SAMD4A: variants seen among roughly 807,000 people sequenced by gnomAD.
The protein encoded by SAMD4A is sterile alpha motif domain containing 4A.
A neutral mutation model predicts 81.3 loss-of-function variants in SAMD4A; 33 were observed. That is an observed-to-expected ratio of 0.41 (90% CI 0.31 to 0.54). The LOEUF (loss-of-function observed/expected upper bound fraction) is 0.54, where lower values mean the gene tolerates loss of function less well. Among genes scored for constraint, SAMD4A ranks in the 20% least tolerant of loss-of-function variants. The pLI, the probability that SAMD4A is intolerant of heterozygous loss-of-function variation, is 0.37. For synonymous variants in SAMD4A, 389 were observed against 382.1 expected, an observed-to-expected ratio of 1.02 and a Z score of -0.21; for missense variants, 854 against 951.1, an observed-to-expected ratio of 0.90 and a Z score of 1.34.
intron 2 of SAMD4A, among the ~76,000 whole-genome samples, chr14:54,573,139 C>T (rs2033181993): frequency 1.3e-5 from 2 of 152,160 alleles, no homozygotes; most frequent in Non-Finnish European, 2.9e-5. Context: ...TTGTAATTTT[C>T]TTTGGGTCAG....
chr14:54,745,069 C>T (rs2037933645), intron 4 of SAMD4A, among the ~76,000 whole-genome samples: 1 of 152,210 alleles, frequency 6.6e-6, no homozygotes, highest in Non-Finnish European at 1.5e-5. Context: ...TTTCTTTCTC[C>T]CCTGCCACGC....
chr14:54,595,781 T>C (rs747423212), intron 2 of SAMD4A, among the ~76,000 whole-genome samples: 1 of 152,130 alleles, frequency 6.6e-6, no homozygotes. Flanking sequence ...TTTAGGAAAG[T>C]GTAAGAAAAA....
intron 6 of SAMD4A, among the ~76,000 whole-genome samples, chr14:54,754,372 G>A (rs537875176): frequency 2.0e-5 from 3 of 152,320 alleles, no homozygotes; most frequent in South Asian, 2.1e-4. Context: ...TGAGTTTATC[G>A]AGTCTGACTT....
intron 12 of SAMD4A, among the ~76,000 whole-genome samples, chr14:54,785,817 C>A (rs2039126343): frequency 6.6e-6 from 1 of 152,226 alleles, no homozygotes; most frequent in Non-Finnish European, 1.5e-5. Context: ...ACCCACCTGA[C>A]CTTAGCATCA....
intron 4 of SAMD4A, among the ~76,000 whole-genome samples, chr14:54,745,865 T>G (rs2037956102): frequency 6.6e-6 from 1 of 152,242 alleles, no homozygotes; most frequent in South Asian, 2.1e-4. Context: ...ACAGTTCTGC[T>G]TCTCCCTGTT....
At chr14:54,649,809 C>T (rs1244837530) in intron 2 of SAMD4A, among the ~76,000 whole-genome samples, 2 of 152,066 alleles carry the variant, frequency 1.3e-5, no homozygotes, top group African/African-American at 2.4e-5. Context: ...TTCTCATTTG[C>T]CTGTAAGTAT....
intron 2 of SAMD4A, among the ~76,000 whole-genome samples, chr14:54,660,185 C>T (rs554742956): frequency 1.5e-3 from 227 of 152,154 alleles, no homozygotes; most frequent in Non-Finnish European, 2.1e-3. Context: ...CTTCTTTCTA[C>T]GGTGCTGTGT....
intron 2 of SAMD4A, among the ~76,000 whole-genome samples, chr14:54,599,760 G>A (rs2034006752): frequency 6.6e-6 from 1 of 152,234 alleles, no homozygotes; most frequent in South Asian, 2.1e-4. Flanking sequence ...CGGATAAGCT[G>A]ATATCATTGG....
intron 2 of SAMD4A, among the ~76,000 whole-genome samples, chr14:54,634,719 ATCTGTCTGTCTGTCTGTCTG>A (rs3049869): frequency 1.8e-4 from 25 of 142,522 alleles, no homozygotes; most frequent in African/African-American, 6.3e-4. Flanking sequence ...CTATCTATCT[ATCTGTCTGTCTGTCTGTCTG>A]TCTGTCTGTC....
At chr14:54,676,759 A>G (rs199745364) in intron 2 of SAMD4A, among the ~76,000 whole-genome samples, 8 of 152,346 alleles carry the variant, frequency 5.3e-5, no homozygotes, top group African/African-American at 1.7e-4. Context: ...TTCTTTATTT[A>G]GTAGGTGGTC....
intron 2 of SAMD4A, among the ~76,000 whole-genome samples, chr14:54,664,572 C>T (rs2035715821): frequency 1.3e-5 from 2 of 152,058 alleles, no homozygotes; most frequent in Non-Finnish European, 2.9e-5. Flanking sequence ...TCCTCCCTCT[C>T]TCCCCACTTC....
At chr14:54,723,990 T>TCGGATGGATGGA (rs1228725243) in intron 3 of SAMD4A, among the ~76,000 whole-genome samples, 1 of 88,396 alleles carries the variant, frequency 1.1e-5, no homozygotes, top group Non-Finnish European at 2.7e-5. Flanking sequence ...TCAGCAAATA[T>TCGGATGGATGGA]TGGATGGATG....
At chr14:54,752,899 T>C (rs1337808771) in intron 6 of SAMD4A, among the ~76,000 whole-genome samples, 1 of 152,180 alleles carries the variant, frequency 6.6e-6, no homozygotes, top group Non-Finnish European at 1.5e-5. Flanking sequence ...CAAGGGAAGG[T>C]ACTATGACTG....
At chr14:54,754,928 G>A (rs774786506) in intron 6 of SAMD4A, 63 of 819,236 alleles carry the variant, frequency 7.7e-5, no homozygotes, top group Non-Finnish European at 8.9e-5. Context: ...GCAATGGGGA[G>A]CTGGGGACGT....
chr14:54,586,566 A>G (rs922760465), intron 2 of SAMD4A, among the ~76,000 whole-genome samples: 11 of 152,110 alleles, frequency 7.2e-5, no homozygotes, highest in African/African-American at 2.4e-4. Flanking sequence ...TTCACGTCTT[A>G]TATTTGTCTT....
chr14:54,586,256 C>G (rs2033614593), intron 2 of SAMD4A, among the ~76,000 whole-genome samples: 1 of 151,982 alleles, frequency 6.6e-6, no homozygotes, highest in Non-Finnish European at 1.5e-5. Flanking sequence ...TGTCCTTAGC[C>G]CACTTTTTGA....
At chr14:54,783,621 G>A (rs1266324027) in intron 11 of SAMD4A, among the ~76,000 whole-genome samples, 2 of 152,264 alleles carry the variant, frequency 1.3e-5, no homozygotes, top group African/African-American at 4.8e-5. Context: ...TGTGTTGACA[G>A]TTACCTGCAG....
chr14:54,775,076 G>A lies in SAMD4A; in HGVS notation c.1858G>A (p.Val620Ile), dbSNP rs375678779. 21 of 1,614,024 alleles carry A rather than the reference G, an allele frequency of 1.3e-5. No homozygotes were observed. Among genetic ancestry groups the A allele is most frequent in the Middle Eastern group, 3.3e-4 (2 of 6,084 alleles). Residue 620 changes from valine (V) to isoleucine (I), a missense_variant, in exon 10 of 13, where the codon GTC becomes ATC. Physicochemically the swap from Val to Ile is conservative, Grantham distance 29. Coordinates refer to ENST00000554335, the MANE Select transcript of SAMD4A (RefSeq NM_015589.6). ...RLGLLGTSGF[V>I]SSNQRNTTAT... Reference sequence around the variant, plus strand: ...GGGCCTCTTGGGCACCAGTGGATTCGTCAGCTCCAACCAGCGCAACACCAC... The same window carrying A: ...GGGCCTCTTGGGCACCAGTGGATTCATCAGCTCCAACCAGCGCAACACCAC...
chr14:54,726,359 T>C (rs1370393022), intron 3 of SAMD4A, among the ~76,000 whole-genome samples: 1 of 152,122 alleles, frequency 6.6e-6, no homozygotes, highest in Non-Finnish European at 1.5e-5. Context: ...CAAAATATCA[T>C]TTACTTTATC....
Sources: gnomAD v4.1 joint callset for allele counts (sites outside exome capture counted in the v4.1 genomes callset) on GRCh38, gnomAD v4.1.1 for gene constraint, MANE v1.5 for transcripts, NCBI Gene and HGNC (gene_info 2026-07-23, HGNC 2026-07-21) for gene names.